Variants in PTPRD observed in about 807,000 individuals in gnomAD.
The protein encoded by PTPRD is protein tyrosine phosphatase receptor type D, also known as receptor-type tyrosine-protein phosphatase delta.
A neutral mutation model predicts 214.5 loss-of-function variants in PTPRD; 34 were observed. The ratio of observed to expected loss-of-function variants is 0.16; its 90% CI spans 0.12 to 0.21. The LOEUF (loss-of-function observed/expected upper bound fraction) is 0.21, where lower values mean the gene tolerates loss of function less well. Ranked by LOEUF, PTPRD falls within the 10% of genes least tolerant of loss-of-function variation. The pLI, the probability that PTPRD is intolerant of heterozygous loss-of-function variation, is 1.00. For synonymous variants in PTPRD, 1,128 were observed against 845.7 expected (o/e 1.33, Z -5.79); for missense variants, 2,545 against 2,398.7 (o/e 1.06, Z -1.27).
rs1284186013 is a variant in PTPRD at position 9,180,600 on chromosome 9, T to A, written c.-143+2704A>T. ...TACTCTAAAACTTAAAGTATAATAGTAATAAAATTAAAAAATATATATTTT... is the reference window on the plus strand; with the variant it reads ...TACTCTAAAACTTAAAGTATAATAGAAATAAAATTAAAAAATATATATTTT... On this transcript the variant is annotated intron_variant, in intron 10 of 45. Transcript: ENST00000381196. Among the ~76,000 whole-genome samples the A allele has an allele frequency of 7.2e-5, 11 of 152,190 alleles. No homozygotes were observed. In the East Asian group the frequency reaches 2.1e-3, roughly 30 times the overall value.
intron 11 of PTPRD, among the ~76,000 whole-genome samples, chr9:8,853,111 T>C (rs1242409041): frequency 2.0e-5 from 3 of 152,204 alleles, no homozygotes; most frequent in African/African-American, 7.2e-5. Flanking sequence ...AAGGGGGAAA[T>C]GAGAGACACA....
intron 9 of PTPRD, among the ~76,000 whole-genome samples, chr9:9,226,181 C>G (rs1037515546): frequency 6.6e-6 from 1 of 151,128 alleles, no homozygotes; most frequent in Non-Finnish European, 1.5e-5. Context: ...TTTTAGATGG[C>G]TAGGTAGCTT....
At chr9:10,609,464 C>T (rs1190612993) in intron 2 of PTPRD, among the ~76,000 whole-genome samples, 2 of 152,034 alleles carry the variant, frequency 1.3e-5, no homozygotes, top group African/African-American at 2.4e-5. Flanking sequence ...CAGTTTACAC[C>T]AGTGGTAACC....
chr9:9,514,156 G>C (rs1569568929), intron 8 of PTPRD, among the ~76,000 whole-genome samples: 1 of 152,056 alleles, frequency 6.6e-6, no homozygotes, highest in Non-Finnish European at 1.5e-5. Context: ...GACAGAAACA[G>C]ACATGCAATT....
chr9:9,046,678 G>C (rs984933523), intron 10 of PTPRD, among the ~76,000 whole-genome samples: 2 of 152,118 alleles, frequency 1.3e-5, no homozygotes, highest in Non-Finnish European at 2.9e-5. Context: ...GGCTTTGCAA[G>C]ACATGAAATC....
In PTPRD at chr9:9,375,167, T is replaced by C. The variant is rs371108809; in HGVS notation, c.-203+22282A>G. Among the ~76,000 whole-genome samples, 24 of 152,304 alleles carry C rather than the reference T, an allele frequency of 1.6e-4. 2 individuals are homozygous for C. The highest frequency in any genetic ancestry group is 5.8e-4 in the African/African-American group (24 of 41,576). On this transcript the variant is annotated intron_variant, in intron 9 of 45. Coordinates refer to ENST00000381196, the MANE Select transcript of PTPRD (RefSeq NM_002839.4). ...TTGTTAATATCATAAATTTTCTACA[T>C]CATACTGAAAGACAATGTCTGTTAT...
At chr9:10,288,096 T>C (rs1323498) in intron 3 of PTPRD, among the ~76,000 whole-genome samples, 53,444 of 144,904 alleles carry the variant, frequency 0.37, 12,054 homozygotes, top group African/African-American at 0.62. Flanking sequence ...ACTTTAAAAA[T>C]TTTGACCACA....
intron 9 of PTPRD, among the ~76,000 whole-genome samples, chr9:9,307,476 T>C (rs1011226419): frequency 7.2e-5 from 11 of 152,200 alleles, no homozygotes; most frequent in Non-Finnish European, 1.2e-4. Flanking sequence ...ATTGCTAAGA[T>C]AGAAACCTGA....
intron 37 of PTPRD, among the ~76,000 whole-genome samples, chr9:8,383,896 C>T (rs535732753): frequency 1.3e-5 from 2 of 152,282 alleles, no homozygotes; most frequent in South Asian, 2.1e-4. Context: ...CTAACCCTGA[C>T]TAAGCCTTTC....
chr9:8,517,093 A>G (rs1047836072), intron 21 of PTPRD, among the ~76,000 whole-genome samples: 3 of 149,118 alleles, frequency 2.0e-5, no homozygotes, highest in African/African-American at 7.3e-5. Flanking sequence ...GGCGTGAGCC[A>G]CTGTGCGTGG....
intron 2 of PTPRD, among the ~76,000 whole-genome samples, chr9:10,464,391 A>G (rs1359973210): frequency 2.0e-5 from 3 of 147,550 alleles, no homozygotes; most frequent in Non-Finnish European, 4.5e-5. Context: ...AGAGAGAAAG[A>G]GAGAGAGAGA....
chr9:9,806,026 C>T (rs546659684), intron 5 of PTPRD, among the ~76,000 whole-genome samples: 2 of 152,182 alleles, frequency 1.3e-5, no homozygotes, highest in South Asian at 4.1e-4. Flanking sequence ...GTTTACCATG[C>T]AAAAGCCATT....
At chr9:10,198,487 C>A (rs73398314) in intron 3 of PTPRD, among the ~76,000 whole-genome samples, 1 of 151,776 alleles carries the variant, frequency 6.6e-6, no homozygotes, top group African/African-American at 2.4e-5. Flanking sequence ...CCTGAAGAGG[C>A]GGGTCAAAAA....
At chr9:9,848,117 A>C (rs2059889247) in intron 5 of PTPRD, among the ~76,000 whole-genome samples, 1 of 152,168 alleles carries the variant, frequency 6.6e-6, no homozygotes, top group South Asian at 2.1e-4. Flanking sequence ...AAGGGCCTCT[A>C]AACAGCTGTA....
intron 14 of PTPRD, among the ~76,000 whole-genome samples, chr9:8,540,095 A>G (rs1043450037): frequency 1.8e-4 from 27 of 152,268 alleles, no homozygotes; most frequent in African/African-American, 5.8e-4. Flanking sequence ...TTCAGGAATA[A>G]TAAGTTCTTT....
chr9:8,634,975 G>A (rs1194377619), intron 13 of PTPRD, among the ~76,000 whole-genome samples: 1 of 150,590 alleles, frequency 6.6e-6, no homozygotes, highest in East Asian at 1.9e-4. Context: ...GGATAGAAGA[G>A]GGAGCAAAAA....
chr9:9,611,355 G>T (rs746044122), intron 7 of PTPRD, among the ~76,000 whole-genome samples: 54 of 152,116 alleles, frequency 3.5e-4, no homozygotes, highest in Non-Finnish European at 6.2e-4. Flanking sequence ...GAAGAGCATT[G>T]ATGCTGACCA....
At chr9:10,516,932 A>C (rs1298288389) in intron 2 of PTPRD, among the ~76,000 whole-genome samples, 1 of 151,806 alleles carries the variant, frequency 6.6e-6, no homozygotes, top group African/African-American at 2.4e-5. Flanking sequence ...ATTGGCCTAT[A>C]TGTGTCTTTA....
intron 3 of PTPRD, among the ~76,000 whole-genome samples, chr9:10,228,040 G>C (rs564050271): frequency 3.2e-4 from 48 of 151,986 alleles, no homozygotes; most frequent in Non-Finnish European, 6.2e-4. Context: ...GTGGTCATTT[G>C]TTACACATTT....
Sources: allele counts gnomAD v4.1 joint callset (sites outside exome capture counted in the v4.1 genomes callset), GRCh38; gene constraint gnomAD v4.1.1; transcripts MANE v1.5; gene names NCBI Gene and HGNC (gene_info 2026-07-23, HGNC 2026-07-21).